The following ST8SIA6 variants were observed in gnomAD, a reference collection of about 807,000 sequenced individuals.
ST8SIA6 encodes alpha-2,8-sialyltransferase 8F.
ST8SIA6 carries 39 observed loss-of-function variants against 33.6 expected under a neutral mutation model. That is an observed-to-expected ratio of 1.16 (90% CI 0.90 to 1.52). ST8SIA6 has a LOEUF of 1.52. ST8SIA6 is among the 40% of genes most tolerant of loss of function. ST8SIA6 has a pLI of 0.00. For missense variants in ST8SIA6, 441 were observed against 443.8 expected (o/e 0.99, Z 0.06); for synonymous variants, 172 against 167.2 (o/e 1.03, Z -0.22).
chr10:17,435,649 T>C (rs1887819), intron 2 of ST8SIA6, among the ~76,000 whole-genome samples: 3,960 of 144,698 alleles, frequency 0.027, 59 homozygotes, highest in South Asian at 0.059. Flanking sequence ...TTTGGGTGAC[T>C]ATTCTCTATC....
At chr10:17,342,362 C>T (rs1848706408) in intron 4 of ST8SIA6, among the ~76,000 whole-genome samples, 1 of 152,162 alleles carries the variant, frequency 6.6e-6, no homozygotes, top group Non-Finnish European at 1.5e-5. Context: ...GGGCACTTAA[C>T]CAGTCTGGGA....
rs748390143 is a variant in ST8SIA6, at chr10:17,321,217, C to A, written c.858G>T (p.Thr286=). 5.6e-6 allele frequency: 9 copies of A among 1,613,978 alleles called. No homozygotes were observed. Among genetic ancestry groups the A allele is most frequent in the South Asian group, 1.1e-5 (1 of 91,072 alleles). ...NTGTSFKVYY[T]LEESKARQKV... Reference sequence around the variant, plus strand: ...TTTGTCTTGCTTTAGACTCTTCGAGCGTGTAGTATACTTTGAAAGAGGTAC... The same window carrying A: ...TTTGTCTTGCTTTAGACTCTTCGAGAGTGTAGTATACTTTGAAAGAGGTAC... The change falls in exon 8 of 8, where the codon ACG becomes ACT. Residue 286 remains threonine (T), a synonymous_variant. Transcript: ENST00000377602.
chr10:17,395,968 C>A (rs1850791198), intron 2 of ST8SIA6, among the ~76,000 whole-genome samples: 1 of 152,114 alleles, frequency 6.6e-6, no homozygotes, highest in African/African-American at 2.4e-5. Flanking sequence ...GAGAGCGCCC[C>A]CAAAGAGATA....
chr10:17,322,470 T>C (rs185090211), intron 7 of ST8SIA6, among the ~76,000 whole-genome samples: 2 of 152,216 alleles, frequency 1.3e-5, no homozygotes, highest in Non-Finnish European at 2.9e-5. Context: ...GTTCAATATT[T>C]ATTTTATTTT....
At chr10:17,434,738 C>CAA (rs1474024529) in intron 2 of ST8SIA6, among the ~76,000 whole-genome samples, 1 of 150,770 alleles carries the variant, frequency 6.6e-6, no homozygotes, top group African/African-American at 2.5e-5. Flanking sequence ...TGGGAGGACA[C>CAA]ACACACACAC....
chr10:17,435,773 G>A (rs958144177), intron 2 of ST8SIA6, among the ~76,000 whole-genome samples: 9 of 152,278 alleles, frequency 5.9e-5, no homozygotes, highest in Middle Eastern at 3.4e-3. Context: ...TTTGCCCATT[G>A]TGTCTGTGTC....
chr10:17,377,956 C>A (rs573306008), intron 3 of ST8SIA6, among the ~76,000 whole-genome samples: 1 of 152,278 alleles, frequency 6.6e-6, no homozygotes, highest in East Asian at 1.9e-4. Context: ...AAATTAGTCT[C>A]CTGTGTGCAA....
chr10:17,375,123 G>A (rs888614536), intron 3 of ST8SIA6, among the ~76,000 whole-genome samples: 3 of 151,910 alleles, frequency 2.0e-5, no homozygotes, highest in Non-Finnish European at 4.4e-5. Context: ...AAAAACTGAT[G>A]AGAAAAGGCA....
At chr10:17,324,729 A>T (rs1848065833) in intron 6 of ST8SIA6, among the ~76,000 whole-genome samples, 1 of 145,264 alleles carries the variant, frequency 6.9e-6, no homozygotes, top group Non-Finnish European at 1.5e-5. Context: ...ACACACACAC[A>T]CACACACACA....
At chr10:17,451,467 A>G (rs1183258738) in intron 2 of ST8SIA6, among the ~76,000 whole-genome samples, 1 of 152,228 alleles carries the variant, frequency 6.6e-6, no homozygotes, top group Non-Finnish European at 1.5e-5. Context: ...ATTGGGTACA[A>G]TGAGTACACC....
chr10:17,425,730 GGAAGGAAGGGAAGGAAGGAAGGGAGAGAA>G (rs1851918478), intron 2 of ST8SIA6, among the ~76,000 whole-genome samples: 5 of 140,010 alleles, frequency 3.6e-5, no homozygotes, highest in Non-Finnish European at 7.8e-5. Context: ...GAAGGAAGGA[GGAAGGAAGGGAAGGAAGGAAGGGAGAGAA>G]AGAAAGAAAG....
intron 6 of ST8SIA6, among the ~76,000 whole-genome samples, chr10:17,325,369 G>C (rs887794979): frequency 4.1e-5 from 6 of 145,722 alleles, no homozygotes; most frequent in Non-Finnish European, 7.5e-5. Context: ...AAATACTACT[G>C]GATTATATGT....
chr10:17,334,383 CA>C (rs1220362945), intron 4 of ST8SIA6, among the ~76,000 whole-genome samples: 1 of 151,222 alleles, frequency 6.6e-6, no homozygotes, highest in Non-Finnish European at 1.5e-5. Flanking sequence ...ACTAAAAATA[CA>C]AAAAGTTAGC....
At chr10:17,386,835 A>AG (rs1850376144) in intron 3 of ST8SIA6, 1 of 152,258 alleles carries the variant, frequency 6.6e-6, no homozygotes, top group African/African-American at 2.4e-5. Context: ...GATACCCGGT[A>AG]GGCCTCTCTC....
At chr10:17,333,020 G>A (rs1286321974) in intron 4 of ST8SIA6, among the ~76,000 whole-genome samples, 1 of 152,122 alleles carries the variant, frequency 6.6e-6, no homozygotes, top group East Asian at 1.9e-4. Flanking sequence ...TCACTCCGAT[G>A]CTAGCTTCTT....
chr10:17,345,055 C>A (rs1304214692), intron 4 of ST8SIA6, among the ~76,000 whole-genome samples: 2 of 152,120 alleles, frequency 1.3e-5, no homozygotes, highest in Non-Finnish European at 2.9e-5. Flanking sequence ...GAGACAACAG[C>A]AAACAATTAG....
At chr10:17,361,771 C>T (rs1849399762) in intron 3 of ST8SIA6, among the ~76,000 whole-genome samples, 1 of 149,502 alleles carries the variant, frequency 6.7e-6, no homozygotes, top group Non-Finnish European at 1.5e-5. Flanking sequence ...GCAAAAAATC[C>T]TCGACAAAAT....
intron 1 of ST8SIA6, 90 bp from the exon 2 acceptor site, chr10:17,453,747 G>T: frequency 9.5e-7 from 1 of 1,049,744 alleles, no homozygotes. Context: ...GCCTGGCAGG[G>T]AGATCTCGCA....
At chr10:17,403,354 ACATGAG>A (rs1851123453) in intron 2 of ST8SIA6, among the ~76,000 whole-genome samples, 1 of 152,258 alleles carries the variant, frequency 6.6e-6, no homozygotes, top group Admixed American at 6.5e-5. Flanking sequence ...CAAGTTGCAA[ACATGAG>A]CATCTGTGCC....
Sources: gnomAD v4.1 joint callset for allele counts (sites outside exome capture counted in the v4.1 genomes callset) on GRCh38, gnomAD v4.1.1 for gene constraint, MANE v1.5 for transcripts, NCBI Gene and HGNC (gene_info 2026-07-23, HGNC 2026-07-21) for gene names.